The following TCF7L2 variants were observed in gnomAD, a reference collection of about 807,000 sequenced individuals.
The protein encoded by TCF7L2 is transcription factor 7 like 2.
Under a neutral mutation model 77.9 loss-of-function variants are expected in TCF7L2, and 23 were observed. The observed-to-expected ratio is 0.30, with a 90% confidence interval of 0.21 to 0.42. The LOEUF (loss-of-function observed/expected upper bound fraction) is 0.42, where lower values mean the gene tolerates loss of function less well. Ranked by LOEUF, TCF7L2 falls within the 10% of genes least tolerant of loss-of-function variation. TCF7L2 has a pLI of 1.00. For synonymous variants in TCF7L2, 413 were observed against 340.2 expected, an observed-to-expected ratio of 1.21 and a Z score of -2.36; for missense variants, 654 against 793.1, an observed-to-expected ratio of 0.82 and a Z score of 2.11.
At chr10:113,023,262 G>A (rs1399294511) in intron 4 of TCF7L2, among the ~76,000 whole-genome samples, 2 of 152,146 alleles carry the variant, frequency 1.3e-5, no homozygotes, top group African/African-American at 4.8e-5. Flanking sequence ...CTTTTGGTTG[G>A]GATGACTGTG....
intron 4 of TCF7L2, 37 bp from the exon 5 acceptor site, chr10:113,039,988 C>G (rs764783920): frequency 5.4e-5 from 86 of 1,582,330 alleles, no homozygotes; most frequent in Non-Finnish European, 6.3e-5. Context: ...TTTCTGAATT[C>G]ATTGTTTTTC....
chr10:113,105,545 A>G (rs910968048), intron 5 of TCF7L2, among the ~76,000 whole-genome samples: 7 of 152,230 alleles, frequency 4.6e-5, no homozygotes, highest in African/African-American at 1.7e-4. Flanking sequence ...ACTGCAGTCT[A>G]GATGCTCCCA....
chr10:113,128,936 T>G (rs2066103859), intron 5 of TCF7L2, among the ~76,000 whole-genome samples: 1 of 152,152 alleles, frequency 6.6e-6, no homozygotes. Flanking sequence ...CCGTTTCCCT[T>G]CCTTCTCTCT....
intron 5 of TCF7L2, among the ~76,000 whole-genome samples, chr10:113,137,230 G>A (rs1445975544): frequency 6.6e-6 from 1 of 152,182 alleles, no homozygotes; most frequent in Non-Finnish European, 1.5e-5. Context: ...GAAATCAGGA[G>A]TGGAATCATG....
intron 4 of TCF7L2, among the ~76,000 whole-genome samples, chr10:113,034,688 G>C (rs2050833594): frequency 6.6e-6 from 1 of 152,040 alleles, no homozygotes; most frequent in African/African-American, 2.4e-5. Context: ...CTGAGGTCAG[G>C]AGTTTGAGAC....
At chr10:112,999,815 T>C (rs1590216106) in intron 4 of TCF7L2, among the ~76,000 whole-genome samples, 1 of 152,202 alleles carries the variant, frequency 6.6e-6, no homozygotes, top group African/African-American at 2.4e-5. Flanking sequence ...TCAATACCCC[T>C]GTCTATATCG....
At chr10:113,072,760 A>G (rs2058188676) in intron 5 of TCF7L2, among the ~76,000 whole-genome samples, 1 of 152,322 alleles carries the variant, frequency 6.6e-6, no homozygotes, top group East Asian at 1.9e-4. Context: ...TGTGGTGCAC[A>G]CAGGTGACTC....
At chr10:113,097,942 C>T (rs573542779) in intron 5 of TCF7L2, among the ~76,000 whole-genome samples, 7 of 148,158 alleles carry the variant, frequency 4.7e-5, no homozygotes, top group Admixed American at 6.8e-5. Context: ...TCCAGCTACT[C>T]GGGAGGCTGA....
At chr10:113,141,929 G>A (rs1056407977) in intron 6 of TCF7L2, among the ~76,000 whole-genome samples, 1 of 152,228 alleles carries the variant, frequency 6.6e-6, no homozygotes, top group African/African-American at 2.4e-5. Flanking sequence ...GTCCAGGCAG[G>A]TTGCTTCATT....
At chr10:113,085,618 T>C (rs533319725) in intron 5 of TCF7L2, among the ~76,000 whole-genome samples, 2 of 152,216 alleles carry the variant, frequency 1.3e-5, no homozygotes, top group Non-Finnish European at 2.9e-5. Flanking sequence ...ACACAAATAT[T>C]ACTACGACTT....
At chr10:113,134,150 C>G (rs2136614854) in intron 5 of TCF7L2, among the ~76,000 whole-genome samples, 1 of 152,334 alleles carries the variant, frequency 6.6e-6, no homozygotes, top group South Asian at 2.1e-4. Flanking sequence ...AGGCCTTAGA[C>G]AGAAAGGAGC....
intron 5 of TCF7L2, among the ~76,000 whole-genome samples, chr10:113,131,041 C>T (rs1040883677): frequency 5.9e-5 from 9 of 152,188 alleles, no homozygotes; most frequent in African/African-American, 2.2e-4. Flanking sequence ...GCTGGGATTA[C>T]AGGCGTGAGC....
At chr10:113,093,154 T>G (rs1564884448) in intron 5 of TCF7L2, among the ~76,000 whole-genome samples, 1 of 152,202 alleles carries the variant, frequency 6.6e-6, no homozygotes, top group African/African-American at 2.4e-5. Context: ...CTTCCTGTGA[T>G]CCAGGAACTA....
At chr10:112,973,801 G>C (rs902064408) in intron 4 of TCF7L2, among the ~76,000 whole-genome samples, 1 of 152,076 alleles carries the variant, frequency 6.6e-6, no homozygotes, top group African/African-American at 2.4e-5. Context: ...ATGTTGGCCA[G>C]GCTGGTCTTG....
At chr10:113,154,438 T>C (rs2071419596) in intron 11 of TCF7L2, among the ~76,000 whole-genome samples, 2 of 152,116 alleles carry the variant, frequency 1.3e-5, no homozygotes, top group Admixed American at 6.5e-5. Flanking sequence ...ATATCCCCAA[T>C]AGACATTTTG....
intron 4 of TCF7L2, among the ~76,000 whole-genome samples, chr10:113,020,453 A>G (rs2133853588): frequency 6.6e-6 from 1 of 151,874 alleles, no homozygotes; most frequent in East Asian, 1.9e-4. Flanking sequence ...TCCTGTTCAC[A>G]CCCTCCTCCT....
intron 5 of TCF7L2, among the ~76,000 whole-genome samples, chr10:113,085,525 A>G (rs2059745475): frequency 1.3e-5 from 2 of 152,182 alleles, no homozygotes; most frequent in African/African-American, 4.8e-5. Flanking sequence ...ACTAGGTGCT[A>G]TTCGATTGCA....
intron 8 of TCF7L2, 107 bp downstream of exon 8, chr10:113,146,204 A>C: frequency 9.6e-7 from 1 of 1,041,776 alleles, no homozygotes; most frequent in Non-Finnish European, 1.5e-6. Context: ...ATGTAGTTCT[A>C]TTAGTGTAAA....
intron 5 of TCF7L2, among the ~76,000 whole-genome samples, chr10:113,059,584 G>T (rs1160177506): frequency 4.6e-5 from 7 of 152,018 alleles, no homozygotes; most frequent in Non-Finnish European, 1.5e-5. Context: ...GTTGGTGCGC[G>T]GGTCAGGCTT....
Sources: allele counts gnomAD v4.1 joint callset (sites outside exome capture counted in the v4.1 genomes callset), GRCh38; gene constraint gnomAD v4.1.1; transcripts MANE v1.5; gene names NCBI Gene and HGNC (gene_info 2026-07-23, HGNC 2026-07-21).